The following TM2D1 variants were observed in gnomAD, a reference collection of about 807,000 sequenced individuals.
The protein encoded by TM2D1 is TM2 domain-containing protein 1.
A neutral mutation model predicts 28.4 loss-of-function variants in TM2D1; 15 were observed. The ratio of observed to expected loss-of-function variants is 0.53; its 90% CI spans 0.35 to 0.81. The LOEUF is 0.81. TM2D1 is among the 40% of genes least tolerant of loss of function. The pLI is 0.01. For synonymous variants in TM2D1, 93 were observed against 96.2 expected (o/e 0.97, Z 0.20); for missense variants, 236 against 254.9 (o/e 0.93, Z 0.50).
At chr1:61,721,386 A>G (rs889303812) in intron 2 of TM2D1, among the ~76,000 whole-genome samples, 26 of 151,952 alleles carry the variant, frequency 1.7e-4, no homozygotes, top group African/African-American at 6.3e-4. Context: ...TACTAAAAAT[A>G]CAAAGATTAG....
intron 3 of TM2D1, among the ~76,000 whole-genome samples, chr1:61,701,760 T>C (rs1644403422): frequency 1.3e-5 from 2 of 152,044 alleles, no homozygotes; most frequent in South Asian, 4.1e-4. Flanking sequence ...AAAAATAATT[T>C]AGAAGGCAAT....
chr1:61,703,506 G>A (rs4443919), intron 3 of TM2D1, among the ~76,000 whole-genome samples: 25,513 of 145,104 alleles, frequency 0.18, 2,838 homozygotes, highest in Non-Finnish European at 0.25. Flanking sequence ...TCCACCTTCC[G>A]GGTTCAAGCA....
intron 3 of TM2D1, among the ~76,000 whole-genome samples, chr1:61,706,765 G>C (rs116770170): frequency 0.022 from 3,349 of 151,050 alleles, 121 homozygotes; most frequent in African/African-American, 0.077. Context: ...GTTGGTGGAG[G>C]TTGCAGTGAG....
At chr1:61,713,381 G>A (rs535051965) in intron 2 of TM2D1, among the ~76,000 whole-genome samples, 3 of 151,542 alleles carry the variant, frequency 2.0e-5, no homozygotes, top group Admixed American at 2.0e-4. Flanking sequence ...AGGAGGCTGA[G>A]GCAGGAGAAT....
chr1:61,691,933 A>AAAATATATATATATATATATATATG (rs1491136530), intron 5 of TM2D1, among the ~76,000 whole-genome samples: 1 of 83,026 alleles, frequency 1.2e-5, no homozygotes, highest in Non-Finnish European at 2.6e-5. Flanking sequence ...AAAAAAAAAA[A>AAAATATATATATATATATATATATG]TATATATATA....
At chr1:61,721,676 TCA>T (rs1251312471) in intron 2 of TM2D1, among the ~76,000 whole-genome samples, 1 of 152,014 alleles carries the variant, frequency 6.6e-6, no homozygotes, top group Non-Finnish European at 1.5e-5. Context: ...ATCACTTAAC[TCA>T]CACTTTTCAC....
At chr1:61,719,768 T>C (rs552639310) in intron 2 of TM2D1, among the ~76,000 whole-genome samples, 1 of 152,352 alleles carries the variant, frequency 6.6e-6, no homozygotes, top group East Asian at 1.9e-4. Flanking sequence ...GTGCTGAGAT[T>C]ACAGGCATGA....
At chr1:61,691,932 A>AAAAATATATATATATATATACATATAT in intron 5 of TM2D1, among the ~76,000 whole-genome samples, 2 of 76,414 alleles carry the variant, frequency 2.6e-5, no homozygotes, top group Non-Finnish European at 5.1e-5. Flanking sequence ...AAAAAAAAAA[A>AAAAATATATATATATATATACATATAT]ATATATATAT....
intron 2 of TM2D1, among the ~76,000 whole-genome samples, chr1:61,712,360 C>G (rs1186178865): frequency 6.6e-6 from 1 of 152,146 alleles, no homozygotes; most frequent in Non-Finnish European, 1.5e-5. Context: ...AAACAGACAT[C>G]TAAAATTTTT....
In TM2D1 at chr1:61,700,931, C is replaced by T. The variant is rs555564148; in HGVS notation, c.439+3G>A. Reference sequence around the variant, plus strand: ...GGATTTTTTTTTAATGAAACATACGCACCCAAAGCAGGGTATCCAAGGTAA... The same window carrying T: ...GGATTTTTTTTTAATGAAACATACGTACCCAAAGCAGGGTATCCAAGGTAA... On this transcript the variant is annotated splice_donor_region_variant and intron_variant, in intron 4 of 6. Transcript: ENST00000606498. The T allele has an allele frequency of 1.4e-5, 23 of 1,601,110 alleles. No homozygotes were observed. The highest frequency in any genetic ancestry group is 1.9e-5 in the Non-Finnish European group (22 of 1,173,892).
chr1:61,712,737 A>C (rs113143525), intron 2 of TM2D1, among the ~76,000 whole-genome samples: 25 of 152,084 alleles, frequency 1.6e-4, no homozygotes, highest in African/African-American at 5.8e-4. Context: ...CTATCATGAA[A>C]ATTAACATGT....
intron 2 of TM2D1, among the ~76,000 whole-genome samples, chr1:61,711,625 C>CAAA (rs963521750): frequency 5.1e-5 from 6 of 118,356 alleles, no homozygotes; most frequent in African/African-American, 1.6e-4. Flanking sequence ...GAGACCGTCT[C>CAAA]AAAAAAAAAA....
In TM2D1 at chr1:61,694,782, G is replaced by T; in HGVS notation, c.440-12C>A. 1.3e-6 allele frequency: 2 copies of T among 1,564,136 alleles called. No individual in the cohort carries two copies. Among genetic ancestry groups the T allele is most frequent in the South Asian group, 1.2e-5 (1 of 80,616 alleles). On this transcript the variant is annotated splice_polypyrimidine_tract_variant and intron_variant, in intron 4 of 6. Transcript: ENST00000606498. ...AAACTTTAACAAACCTAGAAAAGAA[G>T]GTAAAGTCATTTATAATCTGGAAGG...
intron 6 of TM2D1, among the ~76,000 whole-genome samples, chr1:61,682,344 C>T (rs1472016455): frequency 6.6e-6 from 1 of 152,106 alleles, no homozygotes; most frequent in African/African-American, 2.4e-5. Flanking sequence ...TCAAAGTGAA[C>T]TATTACATAA....
chr1:61,691,951 A>G (rs1644330988), intron 5 of TM2D1, among the ~76,000 whole-genome samples: 1 of 136,498 alleles, frequency 7.3e-6, no homozygotes, highest in Non-Finnish European at 1.6e-5. Flanking sequence ...ATATATATAT[A>G]TATATATATG....
chr1:61,701,987 C>G (rs149618636), intron 3 of TM2D1, among the ~76,000 whole-genome samples: 3 of 151,940 alleles, frequency 2.0e-5, no homozygotes, highest in Non-Finnish European at 4.4e-5. Context: ...GTCAGGAGTT[C>G]GAGAACAGCC....
chr1:61,711,329 CA>C (rs1203013202), intron 2 of TM2D1, among the ~76,000 whole-genome samples: 2,554 of 85,940 alleles, frequency 0.03, 22 homozygotes, highest in Non-Finnish European at 0.043. Context: ...AACTCCACCT[CA>C]AAAAAAAAAA....
intron 2 of TM2D1, among the ~76,000 whole-genome samples, chr1:61,711,794 CT>C (rs1644481208): frequency 1.3e-5 from 2 of 152,080 alleles, no homozygotes; most frequent in Non-Finnish European, 2.9e-5. Context: ...TTGGATCATG[CT>C]TTTGATTAGT....
intron 3 of TM2D1, among the ~76,000 whole-genome samples, chr1:61,708,946 T>C (rs560181305): frequency 6.4e-4 from 97 of 152,062 alleles, no homozygotes; most frequent in South Asian, 3.1e-3. Flanking sequence ...GGGAGAATCA[T>C]GTCAGGCCAG....
Sources: allele counts gnomAD v4.1 joint callset (sites outside exome capture counted in the v4.1 genomes callset), GRCh38; gene constraint gnomAD v4.1.1; transcripts MANE v1.5; gene names NCBI Gene and HGNC (gene_info 2026-07-23, HGNC 2026-07-21).